Variants in KCNN2 observed in about 807,000 individuals in gnomAD.
KCNN2 encodes potassium calcium-activated channel subfamily N member 2.
In KCNN2, 24 loss-of-function variants were observed where a neutral mutation model predicts 55.5. The ratio of observed to expected loss-of-function variants is 0.43; its 90% CI spans 0.31 to 0.61. The LOEUF (loss-of-function observed/expected upper bound fraction) is 0.61. KCNN2 is among the 20% of genes least tolerant of loss of function. The pLI, the probability that KCNN2 is intolerant of heterozygous loss-of-function variation, is 0.08. For missense variants in KCNN2, 754 were observed against 853.6 expected, an observed-to-expected ratio of 0.88 and a Z score of 1.45; for synonymous variants, 431 against 336.1, an observed-to-expected ratio of 1.28 and a Z score of -3.09.
intron 1 of KCNN2, among the ~76,000 whole-genome samples, chr5:114,071,735 T>C (rs1044464473): frequency 2.0e-5 from 3 of 152,206 alleles, no homozygotes. Context: ...GCAATTCTCT[T>C]TTTTCATTAC....
chr5:114,464,415 A>T (rs761450335), intron 4 of KCNN2, among the ~76,000 whole-genome samples: 4 of 152,212 alleles, frequency 2.6e-5, no homozygotes, highest in Non-Finnish European at 4.4e-5. Flanking sequence ...AGAATTTCTG[A>T]AATCAGGTAC....
At chr5:114,098,692 A>T (rs889653301) in intron 1 of KCNN2, among the ~76,000 whole-genome samples, 1 of 152,078 alleles carries the variant, frequency 6.6e-6, no homozygotes, top group East Asian at 1.9e-4. Context: ...GGTCTACCAC[A>T]CTTCTCTTTT....
At position 114,107,485 on chromosome 5, in the gene KCNN2, A is replaced by G. The variant is rs555658473; in HGVS notation, c.-271+50985A>G. ...CTGCAGCCTCAACATCCTAGGCTCAAGTGATCCTTCTACCTCAGCCTCCTG... is the reference window on the plus strand; with the variant it reads ...CTGCAGCCTCAACATCCTAGGCTCAGGTGATCCTTCTACCTCAGCCTCCTG... On this transcript the variant is annotated intron_variant, in intron 1 of 10. Transcript: ENST00000512097. 2.2e-4 allele frequency among the ~76,000 whole-genome samples: 34 copies of G among 152,182 alleles called. No homozygotes were observed. The South Asian group carries it at 5.4e-3, about 24-fold the overall frequency.
intron 1 of KCNN2, among the ~76,000 whole-genome samples, chr5:114,061,118 T>C (rs1420191771): frequency 1.3e-5 from 2 of 152,222 alleles, no homozygotes; most frequent in African/African-American, 4.8e-5. Context: ...TAAACAGTGA[T>C]TGAATGTCTT....
intron 2 of KCNN2, among the ~76,000 whole-genome samples, chr5:114,332,749 A>AG (rs1387685296): frequency 1.3e-5 from 2 of 152,210 alleles, no homozygotes; most frequent in Non-Finnish European, 2.9e-5. Flanking sequence ...GCTGAAAGCC[A>AG]GGGAGGGGAG....
At chr5:114,491,469 TGTTGCCTGCA>T (rs1177582134) in intron 6 of KCNN2, among the ~76,000 whole-genome samples, 1 of 149,112 alleles carries the variant, frequency 6.7e-6, no homozygotes, top group Non-Finnish European at 1.5e-5. Flanking sequence ...AGCCATAGGC[TGTTGCCTGCA>T]GAAAGCTCTG....
chr5:114,135,867 C>G (rs1028492095), intron 1 of KCNN2, among the ~76,000 whole-genome samples: 2 of 152,034 alleles, frequency 1.3e-5, no homozygotes, highest in Middle Eastern at 6.8e-3. Flanking sequence ...CAGAGAAAAG[C>G]TCTTGGAAAT....
chr5:114,452,683 G>C (rs763661737), intron 3 of KCNN2, among the ~76,000 whole-genome samples: 1 of 152,064 alleles, frequency 6.6e-6, no homozygotes, highest in Non-Finnish European at 1.5e-5. Flanking sequence ...CATTGTTTAC[G>C]GATGGGGCTT....
intron 1 of KCNN2, among the ~76,000 whole-genome samples, chr5:114,163,581 C>G (rs1472843393): frequency 6.6e-6 from 1 of 152,224 alleles, no homozygotes; most frequent in South Asian, 2.1e-4. Context: ...TTATATTACC[C>G]TCAAGTCCAT....
At chr5:114,100,031 A>T (rs78138026) in intron 1 of KCNN2, among the ~76,000 whole-genome samples, 3,078 of 152,164 alleles carry the variant, frequency 0.02, 113 homozygotes, top group African/African-American at 0.071. Context: ...TAATTTAAAC[A>T]TCTCTATAAA....
At position 114,496,036 on chromosome 5, in the gene KCNN2, A is replaced by T. The variant is rs768132523; in HGVS notation, c.2230A>T (p.Ile744Phe). The change falls in exon 8 of 8, where the codon ATC becomes TTC. Residue 744 changes from isoleucine (I) to phenylalanine (F), a missense_variant. Ile to Phe is a conservative substitution (Grantham distance 21). Around this residue, in one of 4 missense-constraint regions of KCNN2, gnomAD observed 164 missense variants for 156.6 expected, o/e 1.05. Transcript: ENST00000673685. ...CCTCCCTGGGCTCATAAGCCAGACCATCAGGCAGCAGCAGAGAGATTTCAT... is the reference window on the plus strand; with the variant it reads ...CCTCCCTGGGCTCATAAGCCAGACCTTCAGGCAGCAGCAGAGAGATTTCAT... ...HALPGLISQTIRQQQRDFIEA... is the reference protein window; with the variant it reads ...HALPGLISQTFRQQQRDFIEA... The T allele has an allele frequency of 6.2e-7, 1 of 1,613,982 alleles. No homozygotes were observed. The highest frequency in any genetic ancestry group is 1.3e-5 in the African/African-American group (1 of 74,908).
intron 1 of KCNN2, among the ~76,000 whole-genome samples, chr5:114,212,743 T>C (rs1753914885): frequency 6.6e-6 from 1 of 151,998 alleles, no homozygotes; most frequent in Non-Finnish European, 1.5e-5. Context: ...TATATTTACC[T>C]TTAGTAGTAA....
intron 3 of KCNN2, among the ~76,000 whole-genome samples, chr5:114,437,692 G>T (rs939655288): frequency 1.3e-5 from 2 of 152,102 alleles, no homozygotes; most frequent in Non-Finnish European, 2.9e-5. Flanking sequence ...ACATACTATA[G>T]TTTGAAATTA....
intron 1 of KCNN2, among the ~76,000 whole-genome samples, chr5:114,220,825 CAAA>C (rs11311434): frequency 1.1e-5 from 1 of 91,876 alleles, no homozygotes; most frequent in Admixed American, 1.2e-4. Context: ...GACTCCATCT[CAAA>C]AAAAAAAAAA....
intron 2 of KCNN2, among the ~76,000 whole-genome samples, chr5:114,266,414 C>G (rs995809745): frequency 6.6e-6 from 1 of 152,094 alleles, no homozygotes; most frequent in Non-Finnish European, 1.5e-5. Context: ...TGATATAACA[C>G]CAGGAAAGTC....
chr5:114,226,035 A>T lies in KCNN2; in HGVS notation c.-185+4470A>T, dbSNP rs368256439. On this transcript the variant is annotated intron_variant, in intron 2 of 10. Transcript: ENST00000512097. ...CTATCCGGGACTAAAATCCCCAAAG[A>T]TCTCACAGAAGAAACAGTGAGTCAG... Among the ~76,000 whole-genome samples the T allele has an allele frequency of 7.9e-5, 12 of 152,344 alleles. No individual in the cohort carries two copies. In the South Asian group the frequency reaches 2.5e-3, roughly 32 times the overall value.
chr5:114,249,381 G>A (rs973404372), intron 2 of KCNN2, among the ~76,000 whole-genome samples: 9 of 151,238 alleles, frequency 6.0e-5, no homozygotes, highest in Middle Eastern at 3.4e-3. Context: ...TCCACCTCTC[G>A]GGTTCAAGCC....
intron 2 of KCNN2, among the ~76,000 whole-genome samples, chr5:114,332,273 T>A (rs1003585257): frequency 7.2e-5 from 11 of 152,198 alleles, no homozygotes; most frequent in African/African-American, 2.4e-4. Context: ...GCCCACTGCC[T>A]GCATGGGATG....
chr5:114,329,611 T>TG (rs951039149), intron 2 of KCNN2, among the ~76,000 whole-genome samples: 1 of 152,176 alleles, frequency 6.6e-6, no homozygotes, highest in African/African-American at 2.4e-5. Context: ...TTTTGAGGTT[T>TG]GGGGACTCAG....
Sources: gnomAD v4.1 joint callset for allele counts (sites outside exome capture counted in the v4.1 genomes callset) on GRCh38, gnomAD v4.1.1 for gene constraint, gnomAD v4.1.1 regional missense constraint, MANE v1.5 for transcripts, NCBI Gene and HGNC (gene_info 2026-07-23, HGNC 2026-07-21) for gene names.